Variants in ZNF114 observed in about 807,000 individuals in gnomAD.
The protein encoded by ZNF114 is zinc finger protein 114, also known as zinc finger protein 114 (Y18).
ZNF114 carries 8 observed loss-of-function variants against 6.8 expected under a neutral mutation model. That is an observed-to-expected ratio of 1.18 (90% CI 0.69 to 2.13). The LOEUF is 2.13. Ranked by LOEUF, ZNF114 falls within the 30% of genes most tolerant of loss-of-function variation. ZNF114 has a pLI of 0.00. For missense variants in ZNF114, 472 were observed against 519.5 expected (o/e 0.91, Z 0.89); for synonymous variants, 169 against 185.5 (o/e 0.91, Z 0.72).
At chr19:48,277,024 G>A (rs766463315) in intron 3 of ZNF114, among the ~76,000 whole-genome samples, 54 of 152,282 alleles carry the variant, frequency 3.5e-4, no homozygotes, top group Non-Finnish European at 6.8e-4. Flanking sequence ...TGGGCGTGGT[G>A]GCCCAAGCCT....
chr19:48,273,186 C>A (rs1967722393), intron 3 of ZNF114, among the ~76,000 whole-genome samples: 1 of 152,088 alleles, frequency 6.6e-6, no homozygotes, highest in African/African-American at 2.4e-5. Flanking sequence ...ATAAAAAGGA[C>A]AAGCTGCAAG....
At chr19:48,272,402 ACT>A (rs1967683264) in intron 3 of ZNF114, among the ~76,000 whole-genome samples, 1 of 102,466 alleles carries the variant, frequency 9.8e-6, no homozygotes, top group Non-Finnish European at 2.0e-5. Flanking sequence ...ACAGAGGGAG[ACT>A]CTGTCTCAAA....
intron 3 of ZNF114, among the ~76,000 whole-genome samples, chr19:48,273,013 T>G (rs916992066): frequency 6.6e-6 from 1 of 152,066 alleles, no homozygotes; most frequent in African/African-American, 2.4e-5. Context: ...GCCAGGATGG[T>G]CTCGAGCTCC....
intron 3 of ZNF114, among the ~76,000 whole-genome samples, chr19:48,277,117 T>C (rs904388406): frequency 6.6e-6 from 1 of 151,946 alleles, no homozygotes; most frequent in Admixed American, 6.6e-5. Context: ...GCTGAGATCG[T>C]GCCACTGCAC....
intron 4 of ZNF114, chr19:48,282,125 C>T: frequency 5.9e-6 from 2 of 336,988 alleles, no homozygotes; most frequent in South Asian, 5.8e-5. Context: ...GTCTCGAACT[C>T]CTGACCTTGT....
chr19:48,270,926 G>A (rs940586281), intron 1 of ZNF114: 1 of 152,034 alleles, frequency 6.6e-6, no homozygotes, highest in African/African-American at 2.4e-5. Context: ...GGGTGGTGGC[G>A]GGCGCCTGTA....
chr19:48,273,111 G>C (rs1028092597), intron 3 of ZNF114, among the ~76,000 whole-genome samples: 1 of 152,134 alleles, frequency 6.6e-6, no homozygotes, highest in African/African-American at 2.4e-5. Flanking sequence ...AGAGCTTTGA[G>C]GGTTTGAGTT....
intron 4 of ZNF114, among the ~76,000 whole-genome samples, chr19:48,280,968 G>A (rs1460120605): frequency 6.6e-6 from 1 of 152,128 alleles, no homozygotes; most frequent in Non-Finnish European, 1.5e-5. Flanking sequence ...CCGGTCGCGT[G>A]ACTCAGGTAC....
At chr19:48,277,905 C>T (rs891359886) in intron 3 of ZNF114, among the ~76,000 whole-genome samples, 1 of 150,174 alleles carries the variant, frequency 6.7e-6, no homozygotes, top group African/African-American at 2.5e-5. Flanking sequence ...TCTGACTTCC[C>T]AGTAACATGA....
rs1432289003 is a variant in ZNF114 at position 48,285,855 on chromosome 19, G to A, written c.231G>A (p.Thr77=). 2 of 1,614,126 alleles carry A rather than the reference G, an allele frequency of 1.2e-6. No homozygotes were observed. The highest frequency in any genetic ancestry group is 1.7e-6 in the Non-Finnish European group (2 of 1,180,030). The change falls in exon 6 of 6, where the codon ACG becomes ACA. Residue 77 remains threonine (T), a synonymous_variant. Transcript: ENST00000595607. ...TFPEANRVCL[T]SISSQHSTLR... The stretch of plus-strand genomic sequence containing the variant: ...CTGAAGCCAACAGAGTGTGTCTCAC[G>A]AGCATCAGTTCCCAGCACTCCACAT...
Position 48,282,508 on chromosome 19 carries a change from C to T in ZNF114, c.136+11C>T, listed in dbSNP as rs1411629076. The T allele has an allele frequency of 6.2e-6, 10 of 1,606,040 alleles. No homozygotes were observed. The highest frequency in any genetic ancestry group is 8.5e-6 in the Non-Finnish European group (10 of 1,174,366). On this transcript the variant is annotated intron_variant, in intron 5 of 5. Coordinates refer to ENST00000595607, the MANE Select transcript of ZNF114 (RefSeq NM_153608.4). Reference sequence around the variant, plus strand: ...ACTTGGCATTCATAGGTAAGGAGGCCCCCTTCCTGCACTTAGTCCGTGATG... The same window carrying T: ...ACTTGGCATTCATAGGTAAGGAGGCTCCCTTCCTGCACTTAGTCCGTGATG...
At chr19:48,274,494 ATATATATATATATTTT>A (rs1217041807) in intron 3 of ZNF114, among the ~76,000 whole-genome samples, 41 of 74,074 alleles carry the variant, frequency 5.5e-4, no homozygotes, top group East Asian at 1.3e-3. Context: ...ATATATATAT[ATATATATATATATTTT>A]TTTTTTTTTT....
At chr19:48,275,385 C>T (rs1967800667) in intron 3 of ZNF114, among the ~76,000 whole-genome samples, 1 of 146,534 alleles carries the variant, frequency 6.8e-6, no homozygotes, top group South Asian at 2.2e-4. Flanking sequence ...TCAAGACCAG[C>T]CTGGCCAACA....
Position 48,282,308 on chromosome 19 carries a change from G to A in ZNF114, c.10-63G>A. 5 of 1,596,428 alleles carry A rather than the reference G, an allele frequency of 3.1e-6. No individual in the cohort carries two copies. In the South Asian group the frequency reaches 4.5e-5, roughly 14 times the overall value. ...CAACCTACCTTTTTCTGTGGAGAAA[G>A]GGGTCACAGTTCAAACTGATAACAG... On this transcript the variant is annotated intron_variant, in intron 4 of 5. Coordinates refer to ENST00000595607, the MANE Select transcript of ZNF114 (RefSeq NM_153608.4).
intron 4 of ZNF114, among the ~76,000 whole-genome samples, chr19:48,280,874 C>T (rs1210960173): frequency 2.0e-5 from 3 of 152,022 alleles, no homozygotes; most frequent in Non-Finnish European, 4.4e-5. Context: ...AGTAGCCACC[C>T]CTCTGTGATA....
intron 4 of ZNF114, among the ~76,000 whole-genome samples, chr19:48,281,392 T>C (rs1967986283): frequency 6.6e-6 from 1 of 152,124 alleles, no homozygotes; most frequent in South Asian, 2.1e-4. Flanking sequence ...TGGTAGTCAC[T>C]GGCGTCCTTG....
chr19:48,285,346 A>C (rs1463200136), intron 5 of ZNF114, among the ~76,000 whole-genome samples: 2 of 152,138 alleles, frequency 1.3e-5, no homozygotes, highest in Non-Finnish European at 2.9e-5. Context: ...GAAAACACAA[A>C]AATTAGCCAG....
chr19:48,270,468 G>C (rs1967624024), intron 1 of ZNF114, among the ~76,000 whole-genome samples: 1 of 141,064 alleles, frequency 7.1e-6, no homozygotes, highest in Admixed American at 7.3e-5. Flanking sequence ...GAGGGGCAGA[G>C]AGGGAGAGAG....
At chr19:48,273,515 G>A (rs1275622574) in intron 3 of ZNF114, among the ~76,000 whole-genome samples, 1 of 151,306 alleles carries the variant, frequency 6.6e-6, no homozygotes, top group Non-Finnish European at 1.5e-5. Context: ...ATTGGGGAAA[G>A]GACGGAATTC....
Sources: allele counts gnomAD v4.1 joint callset (sites outside exome capture counted in the v4.1 genomes callset), GRCh38; gene constraint gnomAD v4.1.1; transcripts MANE v1.5; gene names NCBI Gene and HGNC (gene_info 2026-07-23, HGNC 2026-07-21).